The following SMC4 variants were observed in gnomAD, a reference collection of about 807,000 sequenced individuals.
SMC4 encodes the protein structural maintenance of chromosomes 4.
Under a neutral mutation model 145.6 loss-of-function variants are expected in SMC4, and 87 were observed. The ratio of observed to expected loss-of-function variants is 0.60; its 90% confidence interval spans 0.50 to 0.71. The LOEUF is 0.71. SMC4 is among the 30% of genes least tolerant of loss of function. SMC4 has a pLI of 0.00. For missense variants in SMC4, 1,447 were observed against 1,537.1 expected (o/e 0.94, Z 0.98); for synonymous variants, 558 against 500.7 (o/e 1.11, Z -1.53).
At chr3:160,406,974 C>T (rs1715405699) in intron 5 of SMC4, among the ~76,000 whole-genome samples, 1 of 152,086 alleles carries the variant, frequency 6.6e-6, no homozygotes, top group Non-Finnish European at 1.5e-5. Context: ...TTATATATAC[C>T]TACTTTGGGA....
chr3:160,412,602 C>T (rs1166878637), intron 7 of SMC4, 149 bp downstream of exon 7: 1 of 1,282,740 alleles, frequency 7.8e-7, no homozygotes, highest in Non-Finnish European at 1.0e-6. Context: ...TAGCTCATGC[C>T]TGTAATTCCA....
In SMC4 at chr3:160,432,294, T is replaced by C; in HGVS notation, c.3309T>C (p.Tyr1103=). The change falls in exon 22 of 24, where the codon TAT becomes TAC. Residue 1103 remains tyrosine, a synonymous_variant. Transcript: ENST00000357388. ...TAATCTTTTCACAGGAAGAATTGTA[T>C]TTGCAACGGGTAGCAGAATTGGACA... ...IAEYKKKEEL[Y]LQRVAELDKI... 6.2e-7 allele frequency: 1 copy of C among 1,600,084 alleles called. No individual in the cohort carries two copies. Among genetic ancestry groups the C allele is most frequent in the Non-Finnish European group, 8.5e-7 (1 of 1,174,770 alleles).
chr3:160,412,341 ATGG>A lies in SMC4; in HGVS notation c.872_874del (p.Val291del). 1 of 1,598,180 alleles carries A rather than the reference ATGG, an allele frequency of 6.3e-7. No individual in the cohort carries two copies. The highest frequency in any genetic ancestry group is 8.6e-7 in the Non-Finnish European group (1 of 1,166,000). On this transcript the variant is annotated inframe_deletion, in exon 7 of 24. Coordinates refer to ENST00000357388, the MANE Select transcript of SMC4 (RefSeq NM_001002800.3). The stretch of plus-strand genomic sequence containing the variant: ...ATTTCTGTAGTTAAACAGGGTAAAG[ATGG>A]TGGAAAAGGAAAAGGATGCCTTAGA...
At chr3:160,417,671 T>G in intron 10 of SMC4, 52 bp from the exon 11 acceptor site, 1 of 1,314,312 alleles carries the variant, frequency 7.6e-7, no homozygotes, top group Non-Finnish European at 1.1e-6. Context: ...CATTTCAGTG[T>G]AGGTTTGAAA....
Position 160,426,222 on chromosome 3 carries a change from T to G in SMC4, c.2605+22T>G, listed in dbSNP as rs755939937. 2.6e-6 allele frequency: 4 copies of G among 1,558,554 alleles called. No homozygotes were observed. The South Asian group carries it at 4.8e-5, about 19-fold the overall frequency. ...ACAGGTATGTTTAGAGATAGACCTTTTTTGGGGGGAAAAAAAAAACAGGTT... is the reference window on the plus strand; with the variant it reads ...ACAGGTATGTTTAGAGATAGACCTTGTTTGGGGGGAAAAAAAAAACAGGTT... On this transcript the variant is annotated intron_variant, in intron 17 of 23. Coordinates refer to ENST00000357388, the MANE Select transcript of SMC4 (RefSeq NM_001002800.3).
chr3:160,404,276 C>G (rs552626693), intron 4 of SMC4, 52 bp from the exon 5 acceptor site: 160 of 1,525,634 alleles, frequency 1.0e-4, no homozygotes, highest in South Asian at 6.6e-4. Flanking sequence ...TGAAGTAGGC[C>G]TATGACTTAA....
intron 13 of SMC4, 68 bp from the exon 14 acceptor site, chr3:160,423,357 T>G (rs1285117626): frequency 1.2e-5 from 9 of 766,896 alleles, no homozygotes; most frequent in Non-Finnish European, 1.5e-5. Flanking sequence ...GGGTTTTTTT[T>G]TGTTTTTTTT....
Position 160,425,003 on chromosome 3 carries a change from T to A in SMC4, c.2462T>A (p.Phe821Tyr). The change falls in exon 16 of 24, where the codon TTT becomes TAT. Residue 821 changes from phenylalanine to tyrosine, a missense_variant. Coordinates refer to ENST00000357388, the MANE Select transcript of SMC4 (RefSeq NM_001002800.3). Reference protein sequence around the residue: ...EREMRNTLEKFTASIQRLIEQ... With the variant: ...EREMRNTLEKYTASIQRLIEQ... The stretch of plus-strand genomic sequence containing the variant: ...GAAATGAGGAACACACTAGAAAAAT[T>A]TACTGCAAGCATCCAGGTATGTGTG... The A allele has an allele frequency of 6.3e-7, 1 of 1,599,304 alleles. No individual in the cohort carries two copies.
intron 22 of SMC4, 146 bp downstream of exon 22, chr3:160,432,661 TTATG>T (rs1238194652): frequency 1.7e-6 from 1 of 592,054 alleles, no homozygotes; most frequent in African/African-American, 1.9e-5. Flanking sequence ...TGCATGCTAT[TTATG>T]CTTGCAGTTT....
chr3:160,426,239 A>T (rs1284316683), intron 17 of SMC4, 39 bp downstream of exon 17: 6 of 1,515,562 alleles, frequency 4.0e-6, no homozygotes, highest in Admixed American at 2.2e-5. Context: ...GGGAAAAAAA[A>T]AACAGGTTTT....
chr3:160,412,028 C>T lies in SMC4; in HGVS notation c.796C>T (p.Pro266Ser), dbSNP rs1312144580. 9 of 1,613,458 alleles carry T rather than the reference C, an allele frequency of 5.6e-6. No homozygotes were observed. The South Asian group carries it at 8.8e-5, about 16-fold the overall frequency. ...AATTGGTTGTGGACGGCTAAATGAA[C>T]CTATTAAAGTCTTGTGTCGGAGAGT... ...DIIGCGRLNE[P>S]IKVLCRRVEI... is the part of the protein sequence containing the mutation. The change falls in exon 6 of 24, where the codon CCT (proline) becomes TCT (serine). Residue 266 changes from proline (P) to serine (S), a missense_variant. Transcript: ENST00000357388.
At chr3:160,413,014 A>G (rs992214449) in intron 7 of SMC4, among the ~76,000 whole-genome samples, 2 of 152,082 alleles carry the variant, frequency 1.3e-5, no homozygotes, top group African/African-American at 2.4e-5. Flanking sequence ...GCTCACTGCA[A>G]TCTCAACCTT....
At chr3:160,411,374 T>G (rs1476505375) in intron 5 of SMC4, among the ~76,000 whole-genome samples, 1 of 152,208 alleles carries the variant, frequency 6.6e-6, no homozygotes, top group African/African-American at 2.4e-5. Flanking sequence ...TGACTACCTT[T>G]GAAACCCATT....
chr3:160,402,408 A>G (rs78314301), intron 3 of SMC4, among the ~76,000 whole-genome samples: 6 of 152,162 alleles, frequency 3.9e-5, no homozygotes, highest in African/African-American at 9.6e-5. Context: ...AAAGCCTTCT[A>G]TGGAACCCTT....
In SMC4 at chr3:160,411,814, G is replaced by A; in HGVS notation, c.688-106G>A. 5.0e-6 allele frequency: 4 copies of A among 799,620 alleles called. No homozygotes were observed. The South Asian group carries it at 8.5e-5, about 17-fold the overall frequency. The allele number at this position is 799,620 out of a possible 1,614,324, so 49.5% of individuals were successfully genotyped here. On this transcript the variant is annotated intron_variant, in intron 5 of 23. Coordinates refer to ENST00000357388, the MANE Select transcript of SMC4 (RefSeq NM_001002800.3). The stretch of plus-strand genomic sequence containing the variant: ...TGCACTACTAACTGTACATTATTTA[G>A]ATGTTTATTACTCTTGGCTTTATTA...
At chr3:160,419,303 A>G (rs1716917572) in intron 11 of SMC4, 55 bp from the exon 12 acceptor site, 6 of 1,179,902 alleles carry the variant, frequency 5.1e-6, no homozygotes, top group Non-Finnish European at 6.0e-6. Context: ...CAGTGCTATG[A>G]CTGGTCATAT....
chr3:160,400,597 C>G (rs1488353766), intron 1 of SMC4: 1 of 497,674 alleles, frequency 2.0e-6, no homozygotes, highest in Non-Finnish European at 3.4e-6. Context: ...GATTGATCCT[C>G]AGGCACGTCT....
chr3:160,400,534 G>T, intron 1 of SMC4: 1 of 349,580 alleles, frequency 2.9e-6, no homozygotes, highest in Non-Finnish European at 5.2e-6. Flanking sequence ...ATGGGCGGAC[G>T]GGTGGAGAGC....
At chr3:160,409,048 CGA>C (rs1276361345) in intron 5 of SMC4, among the ~76,000 whole-genome samples, 2 of 151,438 alleles carry the variant, frequency 1.3e-5, no homozygotes, top group Non-Finnish European at 2.9e-5. Flanking sequence ...GGGCGGATCA[CGA>C]GGTCAGGAGA....
Sources: allele counts gnomAD v4.1 joint callset (sites outside exome capture counted in the v4.1 genomes callset), GRCh38; gene constraint gnomAD v4.1.1; transcripts MANE v1.5; gene names NCBI Gene and HGNC (gene_info 2026-07-23, HGNC 2026-07-21).